Variants in ABCB5 observed in about 807,000 individuals in gnomAD.
ABCB5 encodes the protein ATP-binding cassette sub-family B member 5.
ABCB5 carries 155 observed loss-of-function variants against 144.2 expected under a neutral mutation model. That is an observed-to-expected ratio of 1.08 (90% CI 0.94 to 1.23). ABCB5 has a LOEUF of 1.23. Among genes scored for constraint, ABCB5 ranks in the 50% most tolerant of loss-of-function variants. ABCB5 has a pLI of 0.00. For synonymous variants in ABCB5, 610 were observed against 528.6 expected, an observed-to-expected ratio of 1.15 and a Z score of -2.11; for missense variants, 1,830 against 1,520.8, an observed-to-expected ratio of 1.20 and a Z score of -3.38.
At chr7:20,699,708 T>C in intron 17 of ABCB5, 117 bp from the exon 18 acceptor site, 2 of 676,072 alleles carry the variant, frequency 3.0e-6, no homozygotes, top group Non-Finnish European at 4.7e-6. Context: ...TTCTGTCTCA[T>C]AAAAGAAAAA....
intron 2 of ABCB5, among the ~76,000 whole-genome samples, chr7:20,624,247 C>CATATATT (rs1783860916): frequency 6.6e-6 from 1 of 152,168 alleles, no homozygotes; most frequent in African/African-American, 2.4e-5. Flanking sequence ...ATGTGTTCGG[C>CATATATT]ATATATTCCA....
At chr7:20,668,595 G>GA (rs1366747771) in intron 14 of ABCB5, among the ~76,000 whole-genome samples, 4,187 of 148,228 alleles carry the variant, frequency 0.028, 74 homozygotes, top group African/African-American at 0.1. Flanking sequence ...GGAGGTGGGG[G>GA]GGGGGGTCAG....
At chr7:20,672,199 T>C (rs1323798088) in intron 14 of ABCB5, among the ~76,000 whole-genome samples, 1 of 152,222 alleles carries the variant, frequency 6.6e-6, no homozygotes, top group Non-Finnish European at 1.5e-5. Flanking sequence ...TTTATATTTC[T>C]GGATACAAGT....
chr7:20,752,290 CAATGTGA>C (rs1449177090), intron 26 of ABCB5, among the ~76,000 whole-genome samples: 2 of 152,172 alleles, frequency 1.3e-5, no homozygotes, highest in African/African-American at 4.8e-5. Context: ...CACTAGAAAG[CAATGTGA>C]AGCCTTGAAA....
rs954182673 is a variant in ABCB5 at position 20,756,717 on chromosome 7, T to A, written c.*1093T>A. On this transcript the variant is annotated 3_prime_UTR_variant, in exon 28 of 28. Transcript: ENST00000404938. ...CGTCTTTCTCTATAATAAAATAATT[T>A]CCTTAAATTTTATATATACTTTATC... The A allele has an allele frequency of 6.6e-6, 1 of 152,146 alleles. No homozygotes were observed. The highest frequency in any genetic ancestry group is 2.4e-5 in the African/African-American group (1 of 41,446). 9.4% of individuals were successfully genotyped at this position (152,146 alleles called of 1,614,324 possible).
At chr7:20,744,710 T>A (rs1259602210) in intron 25 of ABCB5, among the ~76,000 whole-genome samples, 1 of 152,050 alleles carries the variant, frequency 6.6e-6, no homozygotes, top group Admixed American at 6.5e-5. Context: ...CATGTATACA[T>A]ATGTAACAAA....
At chr7:20,617,250 T>A (rs539405259) in intron 1 of ABCB5, among the ~76,000 whole-genome samples, 365 of 152,292 alleles carry the variant, frequency 2.4e-3, no homozygotes, top group South Asian at 3.7e-3. Flanking sequence ...TAAATTTTTT[T>A]AAAAAATCAT....
chr7:20,723,166 G>C lies in ABCB5; in HGVS notation c.2572G>C (p.Ala858Pro). 1.9e-6 allele frequency: 3 copies of C among 1,614,124 alleles called. No individual in the cohort carries two copies. The highest frequency in any genetic ancestry group is 1.3e-5 in the African/African-American group (1 of 75,034). ...LAVTGMIETA[A>P]MTGFANKDKQ... ...CGTGACAGGAATGATTGAAACCGCA[G>C]CAATGACTGGATTTGCCAACAAAGA... The change falls in exon 21 of 28, where the codon GCA becomes CCA. Residue 858 changes from alanine to proline, a missense_variant. Transcript: ENST00000404938.
chr7:20,629,629 G>A (rs551838198), intron 4 of ABCB5, among the ~76,000 whole-genome samples: 3 of 152,116 alleles, frequency 2.0e-5, no homozygotes, highest in African/African-American at 7.2e-5. Context: ...AGCCATGGTA[G>A]CAGGTGCCTG....
intron 20 of ABCB5, among the ~76,000 whole-genome samples, chr7:20,719,488 C>T (rs948339101): frequency 3.3e-5 from 5 of 152,292 alleles, no homozygotes; most frequent in South Asian, 2.1e-4. Context: ...TGAGAGAAAT[C>T]GTATCCAAAG....
At chr7:20,722,219 CTA>C (rs891878100) in intron 20 of ABCB5, among the ~76,000 whole-genome samples, 1 of 152,148 alleles carries the variant, frequency 6.6e-6, no homozygotes, top group African/African-American at 2.4e-5. Context: ...GTGTTAGTAT[CTA>C]TGTTTATGCA....
At chr7:20,669,458 T>G (rs1473635185) in intron 14 of ABCB5, among the ~76,000 whole-genome samples, 1 of 136,402 alleles carries the variant, frequency 7.3e-6, no homozygotes, top group Admixed American at 7.5e-5. Flanking sequence ...AAACATGTGC[T>G]GTGTCCACTC....
At chr7:20,653,231 G>A (rs1275654669) in intron 13 of ABCB5, among the ~76,000 whole-genome samples, 1 of 152,050 alleles carries the variant, frequency 6.6e-6, no homozygotes, top group African/African-American at 2.4e-5. Flanking sequence ...GATGTCCCTT[G>A]CTATAAATCT....
intron 17 of ABCB5, among the ~76,000 whole-genome samples, chr7:20,699,364 C>G (rs920106724): frequency 6.6e-6 from 1 of 152,122 alleles, no homozygotes; most frequent in East Asian, 1.9e-4. Context: ...TCATGGTGCA[C>G]TTTTTCCCAC....
intron 14 of ABCB5, among the ~76,000 whole-genome samples, chr7:20,670,690 A>G (rs940719074): frequency 6.6e-6 from 1 of 152,178 alleles, no homozygotes; most frequent in African/African-American, 2.4e-5. Flanking sequence ...TGGGCGCATC[A>G]CCTGAGGTCG....
chr7:20,711,886 CTCCCTCCT>C lies in ABCB5; in HGVS notation c.2421+7083_2421+7090del, dbSNP rs1413761527. Reference sequence around the variant, plus strand: ...CCTTCCTCCCTCCCTCCCTCCCTCCCTCCCTCCTTCCTTCCTTCCTTCCTTTCTTTCTC... The same window carrying C: ...CCTTCCTCCCTCCCTCCCTCCCTCCCTCCTTCCTTCCTTCCTTTCTTTCTC... On this transcript the variant is annotated intron_variant, in intron 20 of 27. Coordinates refer to ENST00000404938, the MANE Select transcript of ABCB5 (RefSeq NM_001163941.2). Among the ~76,000 whole-genome samples the C allele has an allele frequency of 9.1e-4, 103 of 112,582 alleles. 3 individuals carry two copies. Among genetic ancestry groups the C allele is most frequent in the South Asian group, 8.5e-3 (26 of 3,054 alleles). The allele number at this position is 112,582 out of a possible 152,430, so 73.9% of individuals were successfully genotyped here.
intron 15 of ABCB5, among the ~76,000 whole-genome samples, chr7:20,682,567 A>T (rs1004015849): frequency 6.6e-6 from 1 of 152,180 alleles, no homozygotes; most frequent in Non-Finnish European, 1.5e-5. Flanking sequence ...TTAAGTACTT[A>T]TGAGTGTTGA....
chr7:20,734,360 T>C (rs1290667658), intron 23 of ABCB5, among the ~76,000 whole-genome samples: 1 of 150,920 alleles, frequency 6.6e-6, no homozygotes, highest in Non-Finnish European at 1.5e-5. Context: ...AAACCAATGG[T>C]TTTCCAACTC....
intron 9 of ABCB5, chr7:20,647,255 G>C: frequency 8.9e-7 from 1 of 1,128,182 alleles, no homozygotes; most frequent in Non-Finnish European, 1.1e-6. Flanking sequence ...ACACATCCCA[G>C]CATGTGATAA....
Sources: allele counts gnomAD v4.1 joint callset (sites outside exome capture counted in the v4.1 genomes callset), GRCh38; gene constraint gnomAD v4.1.1; transcripts MANE v1.5; gene names NCBI Gene and HGNC (gene_info 2026-07-23, HGNC 2026-07-21).